RAD51B: variants seen among roughly 807,000 people sequenced by gnomAD.
The protein encoded by RAD51B is DNA repair protein RAD51 homolog 2.
Under a neutral mutation model 42.2 loss-of-function variants are expected in RAD51B, and 38 were observed. That is an observed-to-expected ratio of 0.90 (90% confidence interval 0.70 to 1.18). The LOEUF (loss-of-function observed/expected upper bound fraction) is 1.18. Ranked by LOEUF, RAD51B falls within the 50% of genes most tolerant of loss-of-function variation. The pLI is 0.00. For synonymous variants in RAD51B, 154 were observed against 145.2 expected, an observed-to-expected ratio of 1.06 and a Z score of -0.43; for missense variants, 373 against 400.7, an observed-to-expected ratio of 0.93 and a Z score of 0.59.
At chr14:68,394,937 A>G (rs570721326) in intron 8 of RAD51B, among the ~76,000 whole-genome samples, 16 of 151,386 alleles carry the variant, frequency 1.1e-4, no homozygotes, top group African/African-American at 3.6e-4. Flanking sequence ...AGTGAGCCTC[A>G]GCGCCAGTGC....
At position 68,290,058 on chromosome 14, in the gene RAD51B, C is replaced by G. The variant is rs576432052; in HGVS notation, c.757-1826C>G. On this transcript the variant is annotated intron_variant, in intron 7 of 10. Coordinates refer to ENST00000471583, the MANE Select transcript of RAD51B (RefSeq NM_133510.4). ...CCCTCTCAGCCCTCAATTAAGCTGC[C>G]ATTGATATAGGATTTATAATGTGTC... Among the ~76,000 whole-genome samples, 143 of 152,278 alleles carry G rather than the reference C, an allele frequency of 9.4e-4. 1 individual carries two copies. Among genetic ancestry groups the G allele is most frequent in the Middle Eastern group, 3.4e-3 (1 of 294 alleles).
At chr14:68,348,540 C>T (rs905151243) in intron 8 of RAD51B, among the ~76,000 whole-genome samples, 2 of 152,256 alleles carry the variant, frequency 1.3e-5, no homozygotes, top group African/African-American at 4.8e-5. Context: ...ATTTAACTCA[C>T]TTGGGAGCTC....
At chr14:68,316,334 C>T (rs1447871969) in intron 8 of RAD51B, among the ~76,000 whole-genome samples, 2 of 152,146 alleles carry the variant, frequency 1.3e-5, no homozygotes, top group Non-Finnish European at 2.9e-5. Flanking sequence ...CAACCTGGCA[C>T]GAATTATGTG....
At chr14:68,437,108 A>G (rs1275669135) in intron 9 of RAD51B, among the ~76,000 whole-genome samples, 1 of 152,130 alleles carries the variant, frequency 6.6e-6, no homozygotes, top group Non-Finnish European at 1.5e-5. Context: ...TCTTAAAGAG[A>G]ATGCTTCTAA....
chr14:68,540,719 G>T, intron 10 of RAD51B: 1 of 985,422 alleles, frequency 1.0e-6, no homozygotes, highest in Non-Finnish European at 1.2e-6. Flanking sequence ...GAAAGAGAGG[G>T]TGGGTTTAAG....
intron 8 of RAD51B, among the ~76,000 whole-genome samples, chr14:68,307,950 A>G (rs1193247655): frequency 6.6e-6 from 1 of 152,154 alleles, no homozygotes; most frequent in Admixed American, 6.5e-5. Context: ...CAACACAAAC[A>G]TCTGGACTGG....
chr14:68,151,560 TTGTCCCACAGCTCACTAA>T (rs1217172192), intron 7 of RAD51B, among the ~76,000 whole-genome samples: 15 of 152,072 alleles, frequency 9.9e-5, no homozygotes, highest in Non-Finnish European at 1.8e-4. Flanking sequence ...CTAACTGAAA[TTGTCCCACAGCTCACTAA>T]TGTCCCACAG....
In RAD51B at chr14:68,603,362, A is replaced by G. The variant is rs75593426; in HGVS notation, c.1037-7644A>G. Among the ~76,000 whole-genome samples the G allele has an allele frequency of 9.5e-4, 145 of 152,324 alleles. 1 individual carries two copies. The highest frequency in any genetic ancestry group is 6.6e-3 in the Admixed American group (101 of 15,300). Reference sequence around the variant, plus strand: ...CAAAGAGCTATTTCCACAATCAGGAAGGGTGGAAATAGCTCAGAACACTGA... The same window carrying G: ...CAAAGAGCTATTTCCACAATCAGGAGGGGTGGAAATAGCTCAGAACACTGA... On this transcript the variant is annotated intron_variant, in intron 10 of 10. Transcript: ENST00000487861.
At chr14:68,505,488 A>G (rs1234469793) in intron 10 of RAD51B, among the ~76,000 whole-genome samples, 1 of 151,038 alleles carries the variant, frequency 6.6e-6, no homozygotes, top group African/African-American at 2.4e-5. Context: ...AGTGTCTTAG[A>G]TGCATTAAGT....
intron 9 of RAD51B, among the ~76,000 whole-genome samples, chr14:68,442,493 A>G (rs1180710724): frequency 8.2e-6 from 1 of 122,120 alleles, no homozygotes; most frequent in South Asian, 2.7e-4. Flanking sequence ...TAGGCTGGAG[A>G]GCAGTGGCGC....
At chr14:68,236,110 A>G (rs1359201060) in intron 7 of RAD51B, 3 of 152,196 alleles carry the variant, frequency 2.0e-5, no homozygotes, top group African/African-American at 7.2e-5. Flanking sequence ...ATCAGATACT[A>G]TGCTTATTAC....
At chr14:68,484,504 C>T (rs921341379) in intron 10 of RAD51B, among the ~76,000 whole-genome samples, 11 of 151,806 alleles carry the variant, frequency 7.2e-5, no homozygotes, top group Non-Finnish European at 1.5e-4. Context: ...ACTACAGGCG[C>T]CCACCACCAC....
chr14:68,236,211 A>G (rs2080253416), intron 7 of RAD51B: 1 of 152,210 alleles, frequency 6.6e-6, no homozygotes. Context: ...AACCTAAAAT[A>G]AAAGTTTAAA....
At chr14:68,034,976 T>C (rs2076098973) in intron 7 of RAD51B, among the ~76,000 whole-genome samples, 2 of 152,286 alleles carry the variant, frequency 1.3e-5, no homozygotes, top group Middle Eastern at 3.4e-3. Flanking sequence ...TTAACTTTGG[T>C]CTTCCAAACT....
intron 10 of RAD51B, among the ~76,000 whole-genome samples, chr14:68,566,732 A>G (rs886400696): frequency 1.3e-5 from 2 of 152,082 alleles, no homozygotes; most frequent in African/African-American, 4.8e-5. Flanking sequence ...TCCCACTTTC[A>G]TGATGTCACT....
Position 68,484,604 on chromosome 14 carries a change from G to A in RAD51B, c.1036+16354G>A, listed in dbSNP as rs546280504. Among the ~76,000 whole-genome samples, 11 of 152,128 alleles carry A rather than the reference G, an allele frequency of 7.2e-5. No homozygotes were observed. In the South Asian group the frequency reaches 1.5e-3, roughly 20 times the overall value. ...GATCTCCTGACCTCGTGATCCACCCGCCTCGGCCTCCCAAAGTGCTGGGAT... is the reference window on the plus strand; with the variant it reads ...GATCTCCTGACCTCGTGATCCACCCACCTCGGCCTCCCAAAGTGCTGGGAT... On this transcript the variant is annotated intron_variant, in intron 10 of 10. Coordinates refer to the RAD51B transcript ENST00000487270.
rs151246156 is a variant in RAD51B at position 68,448,950 on chromosome 14, C to G, written c.958-19222C>G. ...AAATCCTCTAATGGTATATAATCTT[C>G]TAGGCTTTTTCTATGCATATATCAA... On this transcript the variant is annotated intron_variant, in intron 9 of 10. Transcript: ENST00000471583. Among the ~76,000 whole-genome samples, 724 of 151,046 alleles carry G rather than the reference C, an allele frequency of 4.8e-3. 5 individuals carry two copies. Among genetic ancestry groups the G allele is most frequent in the African/African-American group, 0.017 (690 of 40,500 alleles).
chr14:68,233,303 A>G (rs2080182543), intron 7 of RAD51B, among the ~76,000 whole-genome samples: 1 of 152,218 alleles, frequency 6.6e-6, no homozygotes, highest in African/African-American at 2.4e-5. Context: ...CTAAGAGGCC[A>G]CATTCACAGG....
chr14:68,174,038 AG>A (rs1192004163), intron 7 of RAD51B, among the ~76,000 whole-genome samples: 5 of 152,180 alleles, frequency 3.3e-5, no homozygotes, highest in African/African-American at 1.2e-4. Flanking sequence ...TCAACTGTAT[AG>A]GTGATTAGCA....
Sources: allele counts gnomAD v4.1 joint callset (sites outside exome capture counted in the v4.1 genomes callset), GRCh38; gene constraint gnomAD v4.1.1; transcripts MANE v1.5; gene names NCBI Gene and HGNC (gene_info 2026-07-23, HGNC 2026-07-21).